The following GABRB1 variants were observed in gnomAD, a reference collection of about 807,000 sequenced individuals.
GABRB1 encodes gamma-aminobutyric acid receptor subunit beta-1.
In GABRB1, 17 loss-of-function variants were observed where a neutral mutation model predicts 51.6. The ratio of observed to expected loss-of-function variants is 0.33; its 90% CI spans 0.23 to 0.49. The LOEUF is 0.49. Ranked by LOEUF, GABRB1 falls within the 20% of genes least tolerant of loss-of-function variation. The pLI is 0.99. For missense variants in GABRB1, 410 were observed against 600.6 expected (o/e 0.68, Z 3.32); for synonymous variants, 247 against 218.9 (o/e 1.13, Z -1.14).
At chr4:47,124,177 G>A (rs1442951080) in intron 3 of GABRB1, among the ~76,000 whole-genome samples, 1 of 151,444 alleles carries the variant, frequency 6.6e-6, no homozygotes, top group Non-Finnish European at 1.5e-5. Flanking sequence ...AAAAATTTAT[G>A]AGAGAAACCT....
intron 4 of GABRB1, among the ~76,000 whole-genome samples, chr4:47,183,358 A>G (rs1719038278): frequency 6.9e-6 from 1 of 144,306 alleles, no homozygotes. Context: ...ATATATATAT[A>G]TATATATATA....
At chr4:47,131,861 C>T (rs537764737) in intron 3 of GABRB1, among the ~76,000 whole-genome samples, 22 of 152,100 alleles carry the variant, frequency 1.4e-4, no homozygotes, top group African/African-American at 5.3e-4. Context: ...ATCTGAGAAC[C>T]ATTACTAATT....
intron 4 of GABRB1, among the ~76,000 whole-genome samples, chr4:47,288,761 A>T (rs182546401): frequency 1.3e-4 from 20 of 152,288 alleles, no homozygotes; most frequent in African/African-American, 4.1e-4. Flanking sequence ...TTACTTAATT[A>T]CTAAAATTAT....
chr4:47,294,916 G>A (rs1262656758), intron 4 of GABRB1, among the ~76,000 whole-genome samples: 4 of 152,174 alleles, frequency 2.6e-5, no homozygotes, highest in Admixed American at 1.3e-4. Context: ...AAAACTTCCA[G>A]AGGAATGATC....
intron 4 of GABRB1, among the ~76,000 whole-genome samples, chr4:47,204,865 A>G (rs1280109714): frequency 1.3e-5 from 2 of 152,128 alleles, no homozygotes; most frequent in Non-Finnish European, 2.9e-5. Context: ...GTTTATCTTT[A>G]TCAGCAGTGT....
At chr4:47,211,582 G>T (rs1231567014) in intron 4 of GABRB1, among the ~76,000 whole-genome samples, 1 of 152,162 alleles carries the variant, frequency 6.6e-6, no homozygotes, top group African/African-American at 2.4e-5. Flanking sequence ...GCAGAGAACC[G>T]TTACCGCTCT....
chr4:47,172,631 CTTTTTTTT>C (rs71195611), intron 4 of GABRB1, among the ~76,000 whole-genome samples: 9 of 65,824 alleles, frequency 1.4e-4, no homozygotes, highest in African/African-American at 5.9e-4. Flanking sequence ...TTAGATTTAA[CTTTTTTTT>C]TTTTTTTTTT....
At chr4:47,175,075 T>A (rs1718619327) in intron 4 of GABRB1, among the ~76,000 whole-genome samples, 1 of 145,434 alleles carries the variant, frequency 6.9e-6, no homozygotes. Context: ...CTTCCTCCTT[T>A]CCTCCCTCCC....
At chr4:47,331,367 A>T (rs1387163914) in intron 5 of GABRB1, among the ~76,000 whole-genome samples, 1 of 152,144 alleles carries the variant, frequency 6.6e-6, no homozygotes, top group Admixed American at 6.6e-5. Flanking sequence ...CCAGTGGGGG[A>T]ATGGAGTTCC....
chr4:47,368,256 G>T (rs1727058638), intron 5 of GABRB1, among the ~76,000 whole-genome samples: 1 of 152,146 alleles, frequency 6.6e-6, no homozygotes, highest in Non-Finnish European at 1.5e-5. Context: ...GAACTACCAT[G>T]CCTACTTCCT....
intron 4 of GABRB1, among the ~76,000 whole-genome samples, chr4:47,316,326 A>T (rs1459457338): frequency 6.6e-6 from 1 of 151,906 alleles, no homozygotes; most frequent in Non-Finnish European, 1.5e-5. Flanking sequence ...GCATTAGAAC[A>T]TGCAATATTA....
chr4:47,065,947 G>T (rs1165949841), intron 3 of GABRB1, among the ~76,000 whole-genome samples: 1 of 152,170 alleles, frequency 6.6e-6, no homozygotes, highest in Non-Finnish European at 1.5e-5. Context: ...TGTCTGTACT[G>T]TGTGTCAGGC....
rs992831080 is a variant in GABRB1, at chr4:47,403,537, T to C, written c.683-22T>C. On this transcript the variant is annotated intron_variant, in intron 6 of 8. Coordinates refer to ENST00000295454, the MANE Select transcript of GABRB1 (RefSeq NM_000812.4). ...CCAACCAAATAATGGTCTGATTACT[T>C]GTCTTTTGTTTCTCAACTCAGGAGC... 5 of 1,613,606 alleles carry C rather than the reference T, an allele frequency of 3.1e-6. No homozygotes were observed. In the African/African-American group the frequency reaches 4.0e-5, roughly 13 times the overall value.
intron 5 of GABRB1, among the ~76,000 whole-genome samples, chr4:47,390,514 CAA>C (rs1727948609): frequency 6.6e-6 from 1 of 152,208 alleles, no homozygotes; most frequent in Admixed American, 6.5e-5. Flanking sequence ...GATACTTCTA[CAA>C]TTGTACTAAC....
chr4:47,392,096 A>G (rs1728018123), intron 5 of GABRB1, among the ~76,000 whole-genome samples: 1 of 151,952 alleles, frequency 6.6e-6, no homozygotes, highest in Admixed American at 6.5e-5. Flanking sequence ...GGCTAAAAAA[A>G]AAAAACGCAG....
intron 3 of GABRB1, among the ~76,000 whole-genome samples, chr4:47,084,788 C>T (rs1260824365): frequency 6.6e-6 from 1 of 152,134 alleles, no homozygotes; most frequent in Non-Finnish European, 1.5e-5. Context: ...TCATCAGAGC[C>T]AGGAACAGGA....
At chr4:47,277,565 C>T (rs1393331731) in intron 4 of GABRB1, among the ~76,000 whole-genome samples, 2 of 152,000 alleles carry the variant, frequency 1.3e-5, no homozygotes, top group Admixed American at 6.6e-5. Flanking sequence ...CCCCAGTCTC[C>T]ATGATGTGTT....
chr4:47,423,045 G>A (rs1729139635), intron 8 of GABRB1, among the ~76,000 whole-genome samples: 2 of 152,036 alleles, frequency 1.3e-5, no homozygotes, highest in Middle Eastern at 3.4e-3. Flanking sequence ...CACCCCAATA[G>A]CTCTGGTTGG....
intron 1 of GABRB1, among the ~76,000 whole-genome samples, chr4:47,016,896 G>A (rs1037597177): frequency 6.6e-6 from 1 of 152,096 alleles, no homozygotes; most frequent in African/African-American, 2.4e-5. Context: ...GGCCTGTGCA[G>A]ACAATTTAGT....
Sources: allele counts gnomAD v4.1 joint callset (sites outside exome capture counted in the v4.1 genomes callset), GRCh38; gene constraint gnomAD v4.1.1; transcripts MANE v1.5; gene names NCBI Gene and HGNC (gene_info 2026-07-23, HGNC 2026-07-21).